TMEM232: variants seen among roughly 807,000 people sequenced by gnomAD.
TMEM232 encodes the protein transmembrane protein 232.
TMEM232 carries 80 observed loss-of-function variants against 78.8 expected under a neutral mutation model. The observed-to-expected ratio is 1.01, with a 90% CI of 0.85 to 1.22. TMEM232 has a LOEUF of 1.22. Ranked by LOEUF, TMEM232 falls within the 50% of genes most tolerant of loss-of-function variation. The probability of loss-of-function intolerance (pLI) is 0.00; values close to 1 mark genes in which losing one functional copy is unlikely to be tolerated. For missense variants in TMEM232, 881 were observed against 742.2 expected (o/e 1.19, Z -2.17); for synonymous variants, 297 against 254.3 (o/e 1.17, Z -1.60).
intron 5 of TMEM232, among the ~76,000 whole-genome samples, chr5:110,629,823 C>T (rs1327648350): frequency 6.6e-6 from 1 of 152,032 alleles, no homozygotes; most frequent in Non-Finnish European, 1.5e-5. Context: ...ATATGTTATT[C>T]TCTATACTTC....
chr5:110,575,792 C>T (rs905626648), intron 10 of TMEM232, among the ~76,000 whole-genome samples: 1 of 152,014 alleles, frequency 6.6e-6, no homozygotes, highest in Non-Finnish European at 1.5e-5. Context: ...ATCTTTGCAA[C>T]CCTCAGGTCA....
intron 12 of TMEM232, among the ~76,000 whole-genome samples, chr5:110,453,224 G>T (rs1760512996): frequency 6.6e-6 from 1 of 152,188 alleles, no homozygotes; most frequent in Admixed American, 6.5e-5. Flanking sequence ...TTACCAAAGA[G>T]AAGTGAATTC....
At chr5:110,679,081 T>C (rs1407713104) in intron 1 of TMEM232, among the ~76,000 whole-genome samples, 1 of 152,134 alleles carries the variant, frequency 6.6e-6, no homozygotes, top group Non-Finnish European at 1.5e-5. Context: ...TCTTACAAAG[T>C]AAGCTTTGTA....
chr5:110,554,941 C>T (rs762878211), intron 11 of TMEM232, among the ~76,000 whole-genome samples: 5 of 151,778 alleles, frequency 3.3e-5, no homozygotes, highest in Non-Finnish European at 7.4e-5. Flanking sequence ...CTAGTTTGTG[C>T]GCATAGAGGT....
intron 2 of TMEM232, among the ~76,000 whole-genome samples, chr5:110,656,517 C>T (rs1789080767): frequency 6.6e-6 from 1 of 152,054 alleles, no homozygotes; most frequent in African/African-American, 2.4e-5. Flanking sequence ...AGAAAATGTA[C>T]ATCCACAGAA....
At chr5:110,546,199 A>G (rs1325179579) in intron 11 of TMEM232, among the ~76,000 whole-genome samples, 1 of 152,132 alleles carries the variant, frequency 6.6e-6, no homozygotes, top group African/African-American at 2.4e-5. Flanking sequence ...ATAAAATGTT[A>G]TCATGGATAA....
intron 5 of TMEM232, among the ~76,000 whole-genome samples, chr5:110,636,512 C>A (rs1339532556): frequency 6.6e-6 from 1 of 151,914 alleles, no homozygotes; most frequent in East Asian, 1.9e-4. Flanking sequence ...CAAACACTAA[C>A]ATGTACTTCA....
intron 12 of TMEM232, among the ~76,000 whole-genome samples, chr5:110,484,904 A>T (rs1420968264): frequency 1.3e-5 from 2 of 152,064 alleles, no homozygotes; most frequent in Non-Finnish European, 2.9e-5. Flanking sequence ...CCCTACTTTC[A>T]GCATTATATA....
At chr5:110,611,886 A>G (rs952114880) in intron 8 of TMEM232, among the ~76,000 whole-genome samples, 3 of 152,144 alleles carry the variant, frequency 2.0e-5, no homozygotes, top group African/African-American at 7.2e-5. Flanking sequence ...TCGAAGTGTA[A>G]TTAATGTACA....
intron 1 of TMEM232, among the ~76,000 whole-genome samples, chr5:110,722,727 A>G (rs1321317730): frequency 1.3e-5 from 2 of 152,160 alleles, no homozygotes; most frequent in South Asian, 2.1e-4. Context: ...AGGAGCTACA[A>G]AAGGGTGTGA....
intron 1 of TMEM232, among the ~76,000 whole-genome samples, chr5:110,723,418 T>C (rs1797843498): frequency 6.6e-6 from 1 of 152,154 alleles, no homozygotes; most frequent in Non-Finnish European, 1.5e-5. Context: ...AGTTCAAATA[T>C]AATAAATCAT....
At chr5:110,597,168 C>G in intron 10 of TMEM232, among the ~76,000 whole-genome samples, 1 of 152,146 alleles carries the variant, frequency 6.6e-6, no homozygotes. Context: ...TCAGCAAAGT[C>G]TCAGGATACA....
At chr5:110,406,550 T>C (rs529236606) in intron 2 of TMEM232, among the ~76,000 whole-genome samples, 1 of 152,146 alleles carries the variant, frequency 6.6e-6, no homozygotes, top group East Asian at 1.9e-4. Context: ...TCAAATATGA[T>C]GGATAAAGTC....
intron 13 of TMEM232, among the ~76,000 whole-genome samples, chr5:110,424,242 T>G (rs1757004476): frequency 6.6e-6 from 1 of 152,302 alleles, no homozygotes; most frequent in South Asian, 2.1e-4. Context: ...ATGCTATATA[T>G]TTTATTCAAA....
chr5:110,582,365 G>T (rs1778306148), intron 10 of TMEM232, among the ~76,000 whole-genome samples: 1 of 151,872 alleles, frequency 6.6e-6, no homozygotes, highest in Non-Finnish European at 1.5e-5. Flanking sequence ...ATGGCAACAT[G>T]TATGCAACTG....
chr5:110,696,818 A>C (rs1794844761), intron 1 of TMEM232, among the ~76,000 whole-genome samples: 1 of 152,132 alleles, frequency 6.6e-6, no homozygotes. Flanking sequence ...AAATGGAAGA[A>C]CATTCCATGC....
Position 110,606,304 on chromosome 5 carries a change from C to A in TMEM232, c.903-17G>T. On this transcript the variant is annotated splice_polypyrimidine_tract_variant and intron_variant, in intron 8 of 13. Transcript: ENST00000455884. ...GAATCCAACCTGAAAATTTTATGGA[C>A]GAAAGGATAAAGATTTTAATGGAAA... is the stretch of plus-strand genomic sequence containing the variant. 2.0e-6 allele frequency: 3 copies of A among 1,499,028 alleles called. No homozygotes were observed. Among genetic ancestry groups the A allele is most frequent in the Non-Finnish European group, 1.8e-6 (2 of 1,118,604 alleles). The allele number at this position is 1,499,028 out of a possible 1,614,324, so 92.9% of individuals were successfully genotyped here.
chr5:110,482,060 T>C (rs1212386560), intron 12 of TMEM232, among the ~76,000 whole-genome samples: 1 of 152,084 alleles, frequency 6.6e-6, no homozygotes, highest in Non-Finnish European at 1.5e-5. Flanking sequence ...AGAATCATAA[T>C]ATATTTGAGT....
At chr5:110,735,598 G>A (rs1303107187) in intron 1 of TMEM232, among the ~76,000 whole-genome samples, 1 of 152,036 alleles carries the variant, frequency 6.6e-6, no homozygotes, top group Admixed American at 6.6e-5. Context: ...CCCTTTAAAA[G>A]ATAGAGTCAA....
Sources: allele counts gnomAD v4.1 joint callset (sites outside exome capture counted in the v4.1 genomes callset), GRCh38; gene constraint gnomAD v4.1.1; transcripts MANE v1.5; gene names NCBI Gene and HGNC (gene_info 2026-07-23, HGNC 2026-07-21).